Variants in LGR5 observed in about 807,000 individuals in gnomAD.
The protein encoded by LGR5 is leucine rich repeat containing G protein-coupled receptor 5.
LGR5 carries 54 observed loss-of-function variants against 76.7 expected under a neutral mutation model. The ratio of observed to expected loss-of-function variants is 0.70; its 90% CI spans 0.57 to 0.88. The LOEUF is 0.88. LGR5 is among the 40% of genes least tolerant of loss of function. The pLI is 0.00. For missense variants in LGR5, 1,078 were observed against 1,073.3 expected, an observed-to-expected ratio of 1.00 and a Z score of -0.06; for synonymous variants, 406 against 421.9, an observed-to-expected ratio of 0.96 and a Z score of 0.46.
intron 1 of LGR5, among the ~76,000 whole-genome samples, chr12:71,500,959 C>T (rs1168974831): frequency 6.6e-6 from 1 of 152,156 alleles, no homozygotes; most frequent in African/African-American, 2.4e-5. Context: ...CCATTTCTTA[C>T]AAAATCCTTT....
At chr12:71,487,427 T>G (rs749978641) in intron 1 of LGR5, among the ~76,000 whole-genome samples, 1 of 152,194 alleles carries the variant, frequency 6.6e-6, no homozygotes, top group Non-Finnish European at 1.5e-5. Flanking sequence ...TGTTTTGTTT[T>G]GTTTAGAGAC....
intron 4 of LGR5, among the ~76,000 whole-genome samples, chr12:71,535,450 A>G (rs943297644): frequency 3.9e-5 from 6 of 152,110 alleles, no homozygotes; most frequent in Non-Finnish European, 7.4e-5. Flanking sequence ...ATCCTGTCCT[A>G]CATTCCCTTG....
At chr12:71,519,029 A>G (rs951777338) in intron 2 of LGR5, among the ~76,000 whole-genome samples, 1 of 152,186 alleles carries the variant, frequency 6.6e-6, no homozygotes, top group African/African-American at 2.4e-5. Flanking sequence ...GGACATTTCT[A>G]AAACACAGAT....
chr12:71,558,108 T>C (rs1877866349), intron 6 of LGR5, among the ~76,000 whole-genome samples: 1 of 152,170 alleles, frequency 6.6e-6, no homozygotes, highest in Non-Finnish European at 1.5e-5. Flanking sequence ...GATGGACTTG[T>C]CCAGGGAGGA....
chr12:71,457,981 T>G (rs1872552110), intron 1 of LGR5, among the ~76,000 whole-genome samples: 1 of 152,124 alleles, frequency 6.6e-6, no homozygotes, highest in African/African-American at 2.4e-5. Context: ...TGGTTCATGG[T>G]TTTTGTGCCA....
Position 71,439,936 on chromosome 12 carries a change from T to G in LGR5, c.-145T>G. ...GCGCTTCTCCTCGCCGCCCACGCCGTGGGGTCAGGAACGCGGCGTCTGGCG... is the reference window on the plus strand; with the variant it reads ...GCGCTTCTCCTCGCCGCCCACGCCGGGGGGTCAGGAACGCGGCGTCTGGCG... On this transcript the variant is annotated 5_prime_UTR_variant, in exon 1 of 18. Transcript: ENST00000266674. The G allele has an allele frequency of 3.0e-6, 2 of 674,556 alleles. No homozygotes were observed. The highest frequency in any genetic ancestry group is 4.7e-6 in the Non-Finnish European group (2 of 421,756). 41.8% of individuals were successfully genotyped at this position (674,556 alleles called of 1,614,324 possible). A position where few individuals can be genotyped will look rare whatever the true frequency, so the allele number is the denominator to read the frequency against.
intron 2 of LGR5, among the ~76,000 whole-genome samples, chr12:71,519,832 T>A (rs1186457612): frequency 1.3e-5 from 2 of 149,870 alleles, no homozygotes; most frequent in African/African-American, 2.5e-5. Flanking sequence ...TTCAAAAAAA[T>A]AATAATAATA....
chr12:71,528,923 T>C (rs1262085676), intron 3 of LGR5, among the ~76,000 whole-genome samples: 1 of 152,188 alleles, frequency 6.6e-6, no homozygotes, highest in Non-Finnish European at 1.5e-5. Flanking sequence ...TTCAGAATGT[T>C]ATGGAATTTT....
chr12:71,532,292 CT>C (rs934967539), intron 3 of LGR5, among the ~76,000 whole-genome samples: 1 of 152,090 alleles, frequency 6.6e-6, no homozygotes, highest in African/African-American at 2.4e-5. Flanking sequence ...GAAATCCAAA[CT>C]TTTAATATTC....
At chr12:71,537,561 A>G (rs115457268) in intron 4 of LGR5, among the ~76,000 whole-genome samples, 2,718 of 152,270 alleles carry the variant, frequency 0.018, 86 homozygotes, top group African/African-American at 0.061. Context: ...TGTACCAACA[A>G]AAGGAGTGCC....
chr12:71,568,735 G>C (rs1045822982), intron 11 of LGR5, among the ~76,000 whole-genome samples: 1 of 152,128 alleles, frequency 6.6e-6, no homozygotes, highest in Non-Finnish European at 1.5e-5. Context: ...CTCACCCCTA[G>C]TACAAGGTGC....
intron 13 of LGR5, among the ~76,000 whole-genome samples, chr12:71,573,970 A>G (rs1005080584): frequency 2.7e-5 from 4 of 150,870 alleles, no homozygotes; most frequent in African/African-American, 9.7e-5. Context: ...AAGGGTTACT[A>G]TTTTCCTAAC....
chr12:71,565,027 A>AC (rs60568269), intron 8 of LGR5, among the ~76,000 whole-genome samples: 141,819 of 151,660 alleles, frequency 0.94, 67,111 homozygotes, highest in East Asian at 1. Context: ...TTATATGCAT[A>AC]AAGTACATGG....
chr12:71,522,254 G>T (rs957231100), intron 2 of LGR5, among the ~76,000 whole-genome samples: 1 of 152,138 alleles, frequency 6.6e-6, no homozygotes, highest in South Asian at 2.1e-4. Flanking sequence ...GGTCAGAGTT[G>T]TCTTTATAAA....
chr12:71,457,178 A>G (rs373239932), intron 1 of LGR5, among the ~76,000 whole-genome samples: 89 of 152,286 alleles, frequency 5.8e-4, no homozygotes, highest in Middle Eastern at 3.4e-3. Context: ...CAATGACTGA[A>G]CTAAAGAACT....
intron 1 of LGR5, among the ~76,000 whole-genome samples, chr12:71,454,805 C>T (rs1272504222): frequency 3.3e-5 from 5 of 150,926 alleles, no homozygotes; most frequent in African/African-American, 9.8e-5. Context: ...ACACACAAAC[C>T]CCACGGCCAC....
intron 1 of LGR5, among the ~76,000 whole-genome samples, chr12:71,469,054 T>C (rs1872979075): frequency 6.6e-6 from 1 of 152,168 alleles, no homozygotes; most frequent in African/African-American, 2.4e-5. Flanking sequence ...TATTTTCGTT[T>C]AGTTTAAATT....
intron 7 of LGR5, 64 bp from the exon 8 acceptor site, chr12:71,561,717 G>T (rs1258764881): frequency 1.3e-5 from 11 of 869,008 alleles, no homozygotes; most frequent in Non-Finnish European, 1.8e-5. Context: ...TGGTCAGGGT[G>T]GGGGCCTCTA....
chr12:71,526,811 T>C (rs1238310170), intron 3 of LGR5, among the ~76,000 whole-genome samples: 1 of 152,084 alleles, frequency 6.6e-6, no homozygotes, highest in African/African-American at 2.4e-5. Flanking sequence ...TTCCCAGAGA[T>C]GACCCAGGAG....
Sources: gnomAD v4.1 joint callset for allele counts (sites outside exome capture counted in the v4.1 genomes callset) on GRCh38, gnomAD v4.1.1 for gene constraint, MANE v1.5 for transcripts, NCBI Gene and HGNC (gene_info 2026-07-23, HGNC 2026-07-21) for gene names.